The following IMMP2L variants were observed in gnomAD, a reference collection of about 807,000 sequenced individuals.
IMMP2L encodes the protein mitochondrial inner membrane protease subunit 2.
Under a neutral mutation model 19.3 loss-of-function variants are expected in IMMP2L, and 18 were observed. The ratio of observed to expected loss-of-function variants is 0.93; its 90% confidence interval spans 0.64 to 1.38. The LOEUF (loss-of-function observed/expected upper bound fraction) is 1.38, where lower values mean the gene tolerates loss of function less well. Ranked by LOEUF, IMMP2L falls within the 40% of genes most tolerant of loss-of-function variation. The pLI is 0.00. For synonymous variants in IMMP2L, 76 were observed against 73.0 expected (o/e 1.04, Z -0.21); for missense variants, 233 against 218.2 (o/e 1.07, Z -0.43).
intron 3 of IMMP2L, among the ~76,000 whole-genome samples, chr7:111,271,395 T>C (rs1391461458): frequency 6.6e-6 from 1 of 152,124 alleles, no homozygotes; most frequent in African/African-American, 2.4e-5. Context: ...ATAAAATTCA[T>C]CACAAATTAA....
intron 3 of IMMP2L, among the ~76,000 whole-genome samples, chr7:111,413,363 C>G (rs1032676153): frequency 3.9e-5 from 6 of 151,914 alleles, no homozygotes; most frequent in East Asian, 3.9e-4. Flanking sequence ...GTTTATGAAG[C>G]CACCAAGCCT....
intron 1 of IMMP2L, among the ~76,000 whole-genome samples, chr7:111,539,108 A>T (rs907479976): frequency 6.8e-6 from 1 of 147,836 alleles, no homozygotes. Context: ...ACAGAACAAG[A>T]CTCCATCTCA....
chr7:110,762,970 A>C (rs563837106), intron 5 of IMMP2L, among the ~76,000 whole-genome samples: 33 of 152,220 alleles, frequency 2.2e-4, no homozygotes, highest in Non-Finnish European at 3.8e-4. Context: ...TTCCTGTAAC[A>C]CTATATGTAA....
At chr7:110,977,408 G>C (rs187969686) in intron 3 of IMMP2L, among the ~76,000 whole-genome samples, 2 of 152,064 alleles carry the variant, frequency 1.3e-5, no homozygotes, top group Admixed American at 6.5e-5. Flanking sequence ...ATAAGCGGCC[G>C]AGCATCTGCT....
rs764896417 is a variant in IMMP2L, at chr7:111,437,542, C to T, written c.239+49696G>A. Among the ~76,000 whole-genome samples, 14 of 151,950 alleles carry T rather than the reference C, an allele frequency of 9.2e-5. 1 individual carries two copies. Among genetic ancestry groups the T allele is most frequent in the African/African-American group, 1.7e-4 (7 of 41,302 alleles). On this transcript the variant is annotated intron_variant, in intron 3 of 5. Transcript: ENST00000405709. ...TGTCAGACTATCTTTAGCAACAAAA[C>T]GCAAAAACGATAACGTCTAGAAATA... is the stretch of plus-strand genomic sequence containing the variant.
intron 3 of IMMP2L, among the ~76,000 whole-genome samples, chr7:111,296,930 A>T (rs1436620300): frequency 6.6e-6 from 1 of 152,040 alleles, no homozygotes; most frequent in Admixed American, 6.6e-5. Context: ...GAAAAAGCCA[A>T]CTTCAAAAGG....
At chr7:111,026,578 A>G (rs1302628691) in intron 3 of IMMP2L, among the ~76,000 whole-genome samples, 2 of 152,132 alleles carry the variant, frequency 1.3e-5, no homozygotes, top group African/African-American at 4.8e-5. Flanking sequence ...ATAGCTCGGA[A>G]ATTCCAACAC....
chr7:111,039,656 A>C (rs927835499), intron 3 of IMMP2L, among the ~76,000 whole-genome samples: 2 of 152,186 alleles, frequency 1.3e-5, no homozygotes, highest in African/African-American at 4.8e-5. Flanking sequence ...TGGTTTTTTT[A>C]AAAACCATCA....
rs1437384129 is a variant in IMMP2L at position 110,856,831 on chromosome 7, G to A, written c.408+29762C>T. ...AGGCTTCCTAAATGCTGATGAGATG[G>A]CTTGGTGTTCATTAAACAGCAGTGG... On this transcript the variant is annotated intron_variant, in intron 5 of 5. Coordinates refer to ENST00000405709, the MANE Select transcript of IMMP2L (RefSeq NM_032549.4). Among the ~76,000 whole-genome samples, 3 of 152,140 alleles carry A rather than the reference G, an allele frequency of 2.0e-5. No individual in the cohort carries two copies. The East Asian group carries it at 5.8e-4, about 30-fold the overall frequency.
chr7:110,841,491 G>A (rs1322813046), intron 5 of IMMP2L, among the ~76,000 whole-genome samples: 1 of 151,902 alleles, frequency 6.6e-6, no homozygotes, highest in Non-Finnish European at 1.5e-5. Flanking sequence ...TAACTAATAA[G>A]GCTAATCTAG....
intron 3 of IMMP2L, among the ~76,000 whole-genome samples, chr7:111,276,061 A>G (rs1411316555): frequency 6.6e-6 from 1 of 152,086 alleles, no homozygotes; most frequent in Admixed American, 6.6e-5. Context: ...TTCCCCATTA[A>G]GTATAATGTC....
At chr7:111,528,715 A>G (rs1441375983) in intron 1 of IMMP2L, among the ~76,000 whole-genome samples, 1 of 152,222 alleles carries the variant, frequency 6.6e-6, no homozygotes, top group East Asian at 1.9e-4. Flanking sequence ...AGGTGGATAA[A>G]TCCACCACAA....
intron 3 of IMMP2L, among the ~76,000 whole-genome samples, chr7:111,431,005 G>C (rs142534826): frequency 1.2e-3 from 184 of 151,860 alleles, no homozygotes; most frequent in Non-Finnish European, 2.3e-3. Context: ...TACTCGGGAG[G>C]CTGAGGCATG....
chr7:110,917,057 G>A (rs994226886), intron 4 of IMMP2L, among the ~76,000 whole-genome samples: 1 of 152,122 alleles, frequency 6.6e-6, no homozygotes, highest in Non-Finnish European at 1.5e-5. Context: ...GATTATCTGG[G>A]TGCATCCTAC....
intron 5 of IMMP2L, among the ~76,000 whole-genome samples, chr7:110,674,688 T>C (rs1792168228): frequency 6.6e-6 from 1 of 152,186 alleles, no homozygotes; most frequent in African/African-American, 2.4e-5. Flanking sequence ...TGTTCTAAAA[T>C]AAGTACTGAT....
chr7:111,036,426 A>C (rs2129570003), intron 3 of IMMP2L, among the ~76,000 whole-genome samples: 1 of 152,286 alleles, frequency 6.6e-6, no homozygotes, highest in Admixed American at 6.5e-5. Context: ...TTTGAGTCCT[A>C]ATATTCTGAT....
At chr7:110,737,909 A>G (rs1421996591) in intron 5 of IMMP2L, among the ~76,000 whole-genome samples, 1 of 152,158 alleles carries the variant, frequency 6.6e-6, no homozygotes, top group Non-Finnish European at 1.5e-5. Context: ...CGCTAGTACC[A>G]GCCTGGAACC....
rs1417857069 is a variant in IMMP2L, at chr7:111,213,253, C to A, written c.240-249688G>T. On this transcript the variant is annotated intron_variant, in intron 3 of 5. Transcript: ENST00000405709. This position sits in a 1 kb window ranked among gnomAD's most constrained non-coding sequence, Gnocchi z 4.8. ...CTGTCACAATCAGGCTGAGTGTGCA[C>A]ACAATAAGGGCAGCACTGACATACC... 6.6e-6 allele frequency among the ~76,000 whole-genome samples: 1 copy of A among 152,182 alleles called. No individual in the cohort carries two copies. The highest frequency in any genetic ancestry group is 6.5e-5 in the Admixed American group (1 of 15,286).
At position 111,199,237 on chromosome 7, in the gene IMMP2L, C is replaced by G. The variant is rs1809841346; in HGVS notation, c.240-235672G>C. On this transcript the variant is annotated intron_variant, in intron 3 of 5. Coordinates refer to ENST00000405709, the MANE Select transcript of IMMP2L (RefSeq NM_032549.4). ...AGCCTACATATAATGTATATTAACT[C>G]AAATATTTCAATTCTCTCATTTAAG... Among the ~76,000 whole-genome samples the G allele has an allele frequency of 2.0e-5, 3 of 152,092 alleles. No individual in the cohort carries two copies. The South Asian group carries it at 6.2e-4, about 32-fold the overall frequency.
Sources: gnomAD v4.1 joint callset for allele counts (sites outside exome capture counted in the v4.1 genomes callset) on GRCh38, gnomAD v4.1.1 for gene constraint, Gnocchi (gnomAD v3.1) non-coding constraint, MANE v1.5 for transcripts, NCBI Gene and HGNC (gene_info 2026-07-23, HGNC 2026-07-21) for gene names.